Variants in NAALADL2 observed in about 807,000 individuals in gnomAD.
NAALADL2 encodes inactive N-acetylated-alpha-linked acidic dipeptidase-like protein 2.
NAALADL2 carries 76 observed loss-of-function variants against 87.2 expected under a neutral mutation model. That is an observed-to-expected ratio of 0.87 (90% CI 0.72 to 1.05). The LOEUF is 1.05. Ranked by LOEUF, NAALADL2 falls within the 50% of genes least tolerant of loss-of-function variation. The pLI, the probability that NAALADL2 is intolerant of heterozygous loss-of-function variation, is 0.00. For missense variants in NAALADL2, 1,089 were observed against 945.8 expected, an observed-to-expected ratio of 1.15 and a Z score of -1.99; for synonymous variants, 354 against 331.0, an observed-to-expected ratio of 1.07 and a Z score of -0.75.
intron 9 of NAALADL2, among the ~76,000 whole-genome samples, chr3:175,553,854 C>T (rs544381792): frequency 5.3e-5 from 8 of 151,916 alleles, no homozygotes; most frequent in Admixed American, 1.3e-4. Context: ...ATTTATAAAG[C>T]GTCTTCTATC....
intron 2 of NAALADL2, among the ~76,000 whole-genome samples, chr3:174,692,522 C>T (rs1728671485): frequency 6.6e-6 from 1 of 152,026 alleles, no homozygotes; most frequent in Non-Finnish European, 1.5e-5. Flanking sequence ...TATGGTTGTG[C>T]CATTGGGATG....
chr3:174,459,651 A>T (rs1396875225), intron 1 of NAALADL2: 1 of 152,126 alleles, frequency 6.6e-6, no homozygotes, highest in East Asian at 1.9e-4. Context: ...GCACTTTAGG[A>T]TCCTTAAATG....
intron 2 of NAALADL2, among the ~76,000 whole-genome samples, chr3:174,663,327 A>C (rs1438917300): frequency 6.6e-6 from 1 of 151,814 alleles, no homozygotes; most frequent in Non-Finnish European, 1.5e-5. Context: ...AATAATAATA[A>C]TTGTCTTAGT....
At chr3:174,861,348 GC>G (rs58523609) in intron 1 of NAALADL2, among the ~76,000 whole-genome samples, 6,823 of 152,052 alleles carry the variant, frequency 0.045, 524 homozygotes, top group African/African-American at 0.16. Context: ...CATTATAAAG[GC>G]AATGGAATGC....
chr3:174,922,391 C>CA lies in NAALADL2; in HGVS notation c.43+62946dup, dbSNP rs1735369543. On this transcript the variant is annotated intron_variant, in intron 1 of 13. Coordinates refer to ENST00000454872, the MANE Select transcript of NAALADL2 (RefSeq NM_207015.3). ...TAATTTTAGACTTGCTTAAAAGTTG[C>CA]AAAAATAAGACACAAGTTTCATATA... Among the ~76,000 whole-genome samples the CA allele has an allele frequency of 5.3e-5, 8 of 151,308 alleles. No homozygotes were observed. In the South Asian group the frequency reaches 1.7e-3, roughly 32 times the overall value.
intron 4 of NAALADL2, among the ~76,000 whole-genome samples, chr3:175,317,353 A>T (rs1240735956): frequency 7.0e-5 from 3 of 42,924 alleles, no homozygotes; most frequent in African/African-American, 5.5e-4. Flanking sequence ...TAGCACATTA[A>T]AAAAAAAATG....
intron 5 of NAALADL2, among the ~76,000 whole-genome samples, chr3:175,383,195 C>T (rs747622656): frequency 6.6e-6 from 1 of 152,002 alleles, no homozygotes; most frequent in Non-Finnish European, 1.5e-5. Flanking sequence ...CTTTCAGTTA[C>T]AGTCTCTTAG....
chr3:174,984,681 T>G (rs552875276), intron 1 of NAALADL2, among the ~76,000 whole-genome samples: 1 of 152,236 alleles, frequency 6.6e-6, no homozygotes, highest in Non-Finnish European at 1.5e-5. Context: ...ACAAATAAAC[T>G]TTAAGCTCCT....
chr3:175,462,395 T>G (rs545905892), intron 6 of NAALADL2, among the ~76,000 whole-genome samples: 1 of 152,320 alleles, frequency 6.6e-6, no homozygotes, highest in Admixed American at 6.5e-5. Context: ...TGGTTATTAT[T>G]TTAATGGATT....
chr3:175,461,418 A>T (rs1723111892), intron 6 of NAALADL2, among the ~76,000 whole-genome samples: 1 of 152,110 alleles, frequency 6.6e-6, no homozygotes, highest in Non-Finnish European at 1.5e-5. Flanking sequence ...TAGACAGAAA[A>T]GTTCTCCAAG....
At chr3:174,847,590 T>C (rs1449728272) in intron 3 of NAALADL2, among the ~76,000 whole-genome samples, 1 of 152,180 alleles carries the variant, frequency 6.6e-6, no homozygotes, top group Non-Finnish European at 1.5e-5. Context: ...GATAGTGAGA[T>C]AGTGAGAGAC....
intron 11 of NAALADL2, among the ~76,000 whole-genome samples, chr3:175,689,511 C>T (rs920108665): frequency 2.6e-5 from 4 of 152,110 alleles, no homozygotes; most frequent in African/African-American, 9.7e-5. Context: ...TAACCAGGAG[C>T]TTGAATTCTC....
chr3:175,117,382 C>G (rs1560048567), intron 2 of NAALADL2, among the ~76,000 whole-genome samples: 1 of 152,038 alleles, frequency 6.6e-6, no homozygotes, highest in Non-Finnish European at 1.5e-5. Flanking sequence ...GGACTAATAT[C>G]CAGAATCTAG....
At chr3:175,263,011 A>C (rs918647774) in intron 4 of NAALADL2, among the ~76,000 whole-genome samples, 4 of 151,478 alleles carry the variant, frequency 2.6e-5, no homozygotes, top group Admixed American at 1.3e-4. Flanking sequence ...AAAAAAAAAA[A>C]AACAAAAAAC....
At chr3:175,142,122 A>C (rs1730089938) in intron 2 of NAALADL2, among the ~76,000 whole-genome samples, 1 of 152,074 alleles carries the variant, frequency 6.6e-6, no homozygotes, top group Non-Finnish European at 1.5e-5. Context: ...TACATGTTTG[A>C]AAAATAATAT....
intron 1 of NAALADL2, among the ~76,000 whole-genome samples, chr3:174,543,802 G>A (rs992553608): frequency 6.6e-5 from 10 of 152,022 alleles, no homozygotes; most frequent in Admixed American, 1.3e-4. Context: ...GAGGCCAGGC[G>A]TTTGAGACCA....
intron 2 of NAALADL2, among the ~76,000 whole-genome samples, chr3:174,656,793 G>C (rs1327139775): frequency 2.6e-5 from 4 of 151,922 alleles, no homozygotes; most frequent in African/African-American, 9.7e-5. Context: ...ACTAAAAATA[G>C]TAGTATGGTG....
chr3:175,166,097 T>C (rs1234907229), intron 2 of NAALADL2, among the ~76,000 whole-genome samples: 1 of 151,898 alleles, frequency 6.6e-6, no homozygotes, highest in Non-Finnish European at 1.5e-5. Context: ...CAAAAAAAAC[T>C]TACCTAGTAT....
intron 1 of NAALADL2, among the ~76,000 whole-genome samples, chr3:174,453,851 A>C (rs377393368): frequency 6.6e-6 from 1 of 152,154 alleles, no homozygotes; most frequent in African/African-American, 2.4e-5. Flanking sequence ...AGCCACACAA[A>C]CAAGTCTGCA....
Sources: gnomAD v4.1 joint callset for allele counts (sites outside exome capture counted in the v4.1 genomes callset) on GRCh38, gnomAD v4.1.1 for gene constraint, MANE v1.5 for transcripts, NCBI Gene and HGNC (gene_info 2026-07-23, HGNC 2026-07-21) for gene names.